RSU1: variants seen among roughly 807,000 people sequenced by gnomAD.
RSU1 encodes rsu-1.
In RSU1, 26 loss-of-function variants were observed where a neutral mutation model predicts 31.1. The ratio of observed to expected loss-of-function variants is 0.84; its 90% CI spans 0.61 to 1.16. The LOEUF is 1.16. Ranked by LOEUF, RSU1 falls within the 50% of genes most tolerant of loss-of-function variation. The probability of loss-of-function intolerance (pLI) is 0.00; values close to 1 mark genes in which losing one functional copy is unlikely to be tolerated. For missense variants in RSU1, 320 were observed against 339.1 expected, an observed-to-expected ratio of 0.94 and a Z score of 0.44; for synonymous variants, 164 against 136.3, an observed-to-expected ratio of 1.20 and a Z score of -1.41.
chr10:16,705,558 C>A (rs2131575535), intron 7 of RSU1, among the ~76,000 whole-genome samples: 1 of 152,178 alleles, frequency 6.6e-6, no homozygotes, highest in South Asian at 2.1e-4. Flanking sequence ...GGCGTGATCT[C>A]AGCTCACTGC....
intron 3 of RSU1, among the ~76,000 whole-genome samples, chr10:16,766,888 G>A (rs1347859249): frequency 1.3e-5 from 2 of 151,688 alleles, no homozygotes; most frequent in African/African-American, 2.4e-5. Context: ...AGCTGGGCAT[G>A]GTGGCGCATG....
intron 8 of RSU1, among the ~76,000 whole-genome samples, chr10:16,636,515 G>C (rs1406361031): frequency 6.6e-6 from 1 of 152,194 alleles, no homozygotes; most frequent in Admixed American, 6.5e-5. Flanking sequence ...GATGATTGCA[G>C]TTGCCTCCTG....
chr10:16,751,476 T>C (rs1588511943), intron 7 of RSU1, among the ~76,000 whole-genome samples: 1 of 152,206 alleles, frequency 6.6e-6, no homozygotes, highest in Non-Finnish European at 1.5e-5. Flanking sequence ...CTGATAGGCG[T>C]GCTCTGTGTC....
intron 7 of RSU1, among the ~76,000 whole-genome samples, chr10:16,731,399 G>T (rs1414414804): frequency 6.8e-6 from 1 of 147,496 alleles, no homozygotes; most frequent in Non-Finnish European, 1.5e-5. Context: ...CACTGCACTC[G>T]AGCCTGGGCG....
chr10:16,702,569 C>T (rs903215068), intron 7 of RSU1, among the ~76,000 whole-genome samples: 16 of 152,208 alleles, frequency 1.1e-4, no homozygotes, highest in Admixed American at 1.0e-3. Flanking sequence ...TAATGACTGC[C>T]GTGCTGGGTT....
At chr10:16,600,853 C>T (rs1159188965) in intron 8 of RSU1, among the ~76,000 whole-genome samples, 5 of 152,136 alleles carry the variant, frequency 3.3e-5, no homozygotes, top group East Asian at 1.9e-4. Flanking sequence ...TAACCCACAG[C>T]GCCTGGCTGA....
In RSU1 at chr10:16,646,026, ATATATG is replaced by A. The variant is rs1564298599; in HGVS notation, c.731+48991_731+48996del. Reference sequence around the variant, plus strand: ...TATGTGTATATACATATATGTGTATATATATGTGTATATACATATATGTGTATATAT... The same window carrying A: ...TATGTGTATATACATATATGTGTATATGTATATACATATATGTGTATATAT... On this transcript the variant is annotated intron_variant, in intron 8 of 8. Transcript: ENST00000345264. Among the ~76,000 whole-genome samples, 200 of 73,222 alleles carry A rather than the reference ATATATG, an allele frequency of 2.7e-3. 36 individuals are homozygous for A. The highest frequency in any genetic ancestry group is 5.1e-3 in the Admixed American group (26 of 5,140). The allele number at this position is 73,222 out of a possible 152,430, so 48.0% of individuals were successfully genotyped here.
intron 8 of RSU1, among the ~76,000 whole-genome samples, chr10:16,651,386 G>A (rs137926254): frequency 4.7e-4 from 72 of 152,304 alleles, no homozygotes; most frequent in African/African-American, 1.7e-3. Flanking sequence ...AATGTCAAAT[G>A]CTCACCCTTG....
intron 4 of RSU1, among the ~76,000 whole-genome samples, chr10:16,762,092 C>G (rs1486107446): frequency 2.0e-5 from 3 of 152,104 alleles, no homozygotes; most frequent in South Asian, 4.1e-4. Flanking sequence ...TTATAACCAG[C>G]CTTGCCCCAA....
intron 8 of RSU1, among the ~76,000 whole-genome samples, chr10:16,609,750 T>C (rs904459360): frequency 6.6e-6 from 1 of 152,348 alleles, no homozygotes; most frequent in East Asian, 1.9e-4. Flanking sequence ...CCATCCAACA[T>C]ATCTCCCCAA....
At chr10:16,807,220 T>G (rs990283264) in intron 2 of RSU1, among the ~76,000 whole-genome samples, 4 of 152,366 alleles carry the variant, frequency 2.6e-5, no homozygotes, top group African/African-American at 9.6e-5. Flanking sequence ...TGCAAGTAAT[T>G]GCTTGTTCTG....
chr10:16,654,177 A>G (rs1192246611), intron 8 of RSU1, among the ~76,000 whole-genome samples: 5 of 151,294 alleles, frequency 3.3e-5, no homozygotes, highest in Non-Finnish European at 7.4e-5. Context: ...TAATTTTTGT[A>G]TTTTTTGTAG....
intron 8 of RSU1, among the ~76,000 whole-genome samples, chr10:16,641,093 T>G (rs7098019): frequency 6.6e-6 from 1 of 151,940 alleles, no homozygotes; most frequent in Non-Finnish European, 1.5e-5. Flanking sequence ...GGTGCAGCAG[T>G]CCACCATGGC....
chr10:16,647,103 G>A (rs1206096278), intron 8 of RSU1, among the ~76,000 whole-genome samples: 2 of 151,852 alleles, frequency 1.3e-5, no homozygotes, highest in Non-Finnish European at 1.5e-5. Context: ...TCAGCCTCCT[G>A]AGTAGCTAAC....
chr10:16,617,594 A>C (rs2131474766), intron 8 of RSU1, among the ~76,000 whole-genome samples: 1 of 152,336 alleles, frequency 6.6e-6, no homozygotes, highest in South Asian at 2.1e-4. Flanking sequence ...CTATACTACA[A>C]GGCTACAGTA....
intron 5 of RSU1, among the ~76,000 whole-genome samples, chr10:16,754,604 G>A (rs1222866292): frequency 6.9e-6 from 1 of 144,556 alleles, no homozygotes; most frequent in Non-Finnish European, 1.5e-5. Context: ...TTAGCTAAAT[G>A]TGAGGCTTGA....
intron 2 of RSU1, among the ~76,000 whole-genome samples, chr10:16,798,829 C>T (rs572851147): frequency 1.3e-5 from 2 of 152,028 alleles, no homozygotes; most frequent in Admixed American, 6.5e-5. Context: ...TCAAACAATG[C>T]TTTATGCCAG....
In RSU1 at chr10:16,677,338, G is replaced by C. The variant is rs574955347; in HGVS notation, c.731+17685C>G. Among the ~76,000 whole-genome samples, 9 of 152,272 alleles carry C rather than the reference G, an allele frequency of 5.9e-5. No homozygotes were observed. The South Asian group carries it at 1.9e-3, about 32-fold the overall frequency. On this transcript the variant is annotated intron_variant, in intron 8 of 8. Transcript: ENST00000345264. The stretch of plus-strand genomic sequence containing the variant: ...TCTGTAAAGAATTCACCAGGGCCTG[G>C]ATGTGCATGGTAGGAACACAGAAGT...
chr10:16,757,266 A>T (rs1837114792), intron 4 of RSU1, among the ~76,000 whole-genome samples: 1 of 152,140 alleles, frequency 6.6e-6, no homozygotes, highest in African/African-American at 2.4e-5. Flanking sequence ...ATTTAATAAA[A>T]GTTGACAGAT....
Sources: allele counts gnomAD v4.1 joint callset (sites outside exome capture counted in the v4.1 genomes callset), GRCh38; gene constraint gnomAD v4.1.1; transcripts MANE v1.5; gene names NCBI Gene and HGNC (gene_info 2026-07-23, HGNC 2026-07-21).